Variants in ADAMTS12 observed in about 807,000 individuals in gnomAD.
The protein encoded by ADAMTS12 is A disintegrin and metalloproteinase with thrombospondin motifs 12.
A neutral mutation model predicts 167.8 loss-of-function variants in ADAMTS12; 118 were observed. The observed-to-expected ratio is 0.70, with a 90% CI of 0.61 to 0.82. The LOEUF (loss-of-function observed/expected upper bound fraction) is 0.82, where lower values mean the gene tolerates loss of function less well. ADAMTS12 is among the 40% of genes least tolerant of loss of function. The probability of loss-of-function intolerance (pLI) is 0.00; values close to 1 mark genes in which losing one functional copy is unlikely to be tolerated. For synonymous variants in ADAMTS12, 704 were observed against 716.9 expected, an observed-to-expected ratio of 0.98 and a Z score of 0.29; for missense variants, 1,916 against 1,998.8, an observed-to-expected ratio of 0.96 and a Z score of 0.79.
At chr5:33,718,809 A>G (rs1743701771) in intron 3 of ADAMTS12, among the ~76,000 whole-genome samples, 1 of 152,214 alleles carries the variant, frequency 6.6e-6, no homozygotes, top group South Asian at 2.1e-4. Flanking sequence ...GCAGTACAGC[A>G]GTGCACTTTC....
chr5:33,876,899 C>T (rs1370071619), intron 2 of ADAMTS12, among the ~76,000 whole-genome samples: 1 of 152,136 alleles, frequency 6.6e-6, no homozygotes, highest in Admixed American at 6.5e-5. Flanking sequence ...TTAGTTCTTA[C>T]AAATGTTATG....
intron 3 of ADAMTS12, among the ~76,000 whole-genome samples, chr5:33,714,876 G>T (rs1743545062): frequency 6.6e-6 from 1 of 152,004 alleles, no homozygotes; most frequent in African/African-American, 2.4e-5. Flanking sequence ...AAGTTCTAGG[G>T]TTCGATAGCA....
chr5:33,822,972 T>A (rs948203963), intron 2 of ADAMTS12, among the ~76,000 whole-genome samples: 1 of 151,708 alleles, frequency 6.6e-6, no homozygotes, highest in South Asian at 2.1e-4. Context: ...CACACCATAG[T>A]CCCAGCTACT....
chr5:33,587,106 A>G (rs1747395627), intron 18 of ADAMTS12, among the ~76,000 whole-genome samples: 1 of 152,014 alleles, frequency 6.6e-6, no homozygotes, highest in Non-Finnish European at 1.5e-5. Context: ...CAGAAGGTAA[A>G]TAAACCTAAA....
rs989393068 is a variant in ADAMTS12 at position 33,586,606 on chromosome 5, T to C, written c.2865+1993A>G. Among the ~76,000 whole-genome samples, 8 of 152,386 alleles carry C rather than the reference T, an allele frequency of 5.2e-5. No individual in the cohort carries two copies. The South Asian group carries it at 1.4e-3, about 28-fold the overall frequency. ...AAGAAGAACTCCTCAGCCAAATCTG[T>C]AATTGCAGTCCTCTGAAAAAGCATT... On this transcript the variant is annotated intron_variant, in intron 18 of 23. Transcript: ENST00000504830.
At chr5:33,599,847 T>C (rs1047146515) in intron 16 of ADAMTS12, among the ~76,000 whole-genome samples, 1 of 152,224 alleles carries the variant, frequency 6.6e-6, no homozygotes, top group Admixed American at 6.5e-5. Context: ...TGGAGGGGGT[T>C]CAAATCAGTC....
chr5:33,649,663 A>C lies in ADAMTS12; in HGVS notation c.1225T>G (p.Cys409Gly). 1.6e-5 allele frequency: 26 copies of C among 1,614,062 alleles called. No individual in the cohort carries two copies. The highest frequency in any genetic ancestry group is 2.2e-5 in the Non-Finnish European group (26 of 1,179,918). ...TACGGATGTCTGCCCACAGGCTCAC[A>C]GTCATTTTCTTTCCCATCATGCTGG... ...GIQHDGKEND[C>G]EPVGRHPYIM... The change falls in exon 8 of 24, where the codon TGT (cysteine) becomes GGT (glycine). Residue 409 changes from cysteine to glycine, a missense_variant. By Grantham distance (159) the Cys-to-Gly change is radical. Transcript: ENST00000504830.
chr5:33,570,352 T>A (rs1215281212), intron 19 of ADAMTS12, among the ~76,000 whole-genome samples: 1 of 152,084 alleles, frequency 6.6e-6, no homozygotes, highest in Non-Finnish European at 1.5e-5. Flanking sequence ...GAGAGAAAGG[T>A]CGGGTTACCC....
At chr5:33,753,620 A>C (rs1457206353) in intron 2 of ADAMTS12, among the ~76,000 whole-genome samples, 1 of 152,154 alleles carries the variant, frequency 6.6e-6, no homozygotes, top group African/African-American at 2.4e-5. Flanking sequence ...AGACACCACC[A>C]AGATGAAGGA....
chr5:33,788,142 A>G (rs1027075368), intron 2 of ADAMTS12, among the ~76,000 whole-genome samples: 2 of 152,156 alleles, frequency 1.3e-5, no homozygotes, highest in African/African-American at 2.4e-5. Flanking sequence ...GCTCTGGAAT[A>G]TGGACGCCTG....
At chr5:33,642,138 C>T (rs1239635703) in intron 10 of ADAMTS12, among the ~76,000 whole-genome samples, 183 bp from the exon 11 acceptor site, 2 of 152,158 alleles carry the variant, frequency 1.3e-5, no homozygotes, top group Non-Finnish European at 2.9e-5. Context: ...GTTTTAGAAT[C>T]AGAGAGTTTC....
chr5:33,889,994 T>C (rs1176076147), intron 1 of ADAMTS12, among the ~76,000 whole-genome samples: 1 of 152,112 alleles, frequency 6.6e-6, no homozygotes, highest in Non-Finnish European at 1.5e-5. Context: ...TAAATAAATA[T>C]ATATATCACC....
At chr5:33,769,408 T>C (rs1745662563) in intron 2 of ADAMTS12, among the ~76,000 whole-genome samples, 1 of 152,172 alleles carries the variant, frequency 6.6e-6, no homozygotes, top group Non-Finnish European at 1.5e-5. Context: ...AGAAATGACC[T>C]AATCCAGACA....
intron 2 of ADAMTS12, among the ~76,000 whole-genome samples, chr5:33,820,854 A>T (rs1747843046): frequency 6.6e-6 from 1 of 152,182 alleles, no homozygotes; most frequent in Non-Finnish European, 1.5e-5. Context: ...TGTTATCCTT[A>T]GCAAAGTAAT....
intron 3 of ADAMTS12, among the ~76,000 whole-genome samples, chr5:33,750,594 T>A (rs1744939115): frequency 6.6e-6 from 1 of 152,172 alleles, no homozygotes; most frequent in Non-Finnish European, 1.5e-5. Flanking sequence ...TAACAGCCCC[T>A]CTGGCATTGT....
intron 17 of ADAMTS12, among the ~76,000 whole-genome samples, chr5:33,593,791 T>C (rs1747767077): frequency 6.6e-6 from 1 of 152,168 alleles, no homozygotes; most frequent in Admixed American, 6.5e-5. Flanking sequence ...GGCACATGTA[T>C]ATCTATGGAA....
chr5:33,570,286 C>T (rs369609145), intron 19 of ADAMTS12, among the ~76,000 whole-genome samples: 1 of 152,042 alleles, frequency 6.6e-6, no homozygotes, highest in South Asian at 2.1e-4. Context: ...CTCCAAGACA[C>T]GTAATTGTCA....
In ADAMTS12 at chr5:33,576,758, G is replaced by T; in HGVS notation, c.3268C>A (p.Pro1090Thr). The change falls in exon 19 of 24, where the codon CCC becomes ACC. Residue 1090 changes from proline to threonine, a missense_variant. Coordinates refer to ENST00000504830, the MANE Select transcript of ADAMTS12 (RefSeq NM_030955.4). Reference protein sequence around the residue: ...YLISTGSTSQPILTSQSLSIQ... With the variant: ...YLISTGSTSQTILTSQSLSIQ... ...CTCAAGGATTGGGAAGTGAGGATGG[G>T]CTGGGAAGTGCTTCCAGTGGAAATG... 3 of 1,614,240 alleles carry T rather than the reference G, an allele frequency of 1.9e-6. No homozygotes were observed. Among genetic ancestry groups the T allele is most frequent in the Non-Finnish European group, 2.5e-6 (3 of 1,180,056 alleles).
intron 7 of ADAMTS12, among the ~76,000 whole-genome samples, chr5:33,657,049 A>C (rs1741085538): frequency 6.6e-6 from 1 of 152,204 alleles, no homozygotes; most frequent in Admixed American, 6.6e-5. Flanking sequence ...ATAGATGAGG[A>C]AACAGGTATA....
Sources: allele counts gnomAD v4.1 joint callset (sites outside exome capture counted in the v4.1 genomes callset), GRCh38; gene constraint gnomAD v4.1.1; transcripts MANE v1.5; gene names NCBI Gene and HGNC (gene_info 2026-07-23, HGNC 2026-07-21).